Variants in CACNA1B observed in about 807,000 individuals in gnomAD.
The protein encoded by CACNA1B is voltage-dependent N-type calcium channel subunit alpha-1B.
CACNA1B carries 70 observed loss-of-function variants against 247.2 expected under a neutral mutation model. That is an observed-to-expected ratio of 0.28 (90% CI 0.23 to 0.35). CACNA1B has a LOEUF of 0.35. Ranked by LOEUF, CACNA1B falls within the 10% of genes least tolerant of loss-of-function variation. The probability of loss-of-function intolerance (pLI) is 1.00; values close to 1 mark genes in which losing one functional copy is unlikely to be tolerated. For missense variants in CACNA1B, 2,367 were observed against 3,197.4 expected, an observed-to-expected ratio of 0.74 and a Z score of 6.26; for synonymous variants, 1,231 against 1,294.4, an observed-to-expected ratio of 0.95 and a Z score of 1.05.
At chr9:138,047,507 C>G (rs1959194379) in intron 23 of CACNA1B, 49 bp downstream of exon 23, 2 of 1,333,018 alleles carry the variant, frequency 1.5e-6, no homozygotes, top group Non-Finnish European at 2.2e-6. Flanking sequence ...CTCTCCCTCC[C>G]TCATGATTGA....
At chr9:137,930,914 A>T (rs1211813823) in intron 6 of CACNA1B, among the ~76,000 whole-genome samples, 1 of 152,136 alleles carries the variant, frequency 6.6e-6, no homozygotes, top group African/African-American at 2.4e-5. Context: ...ACTCCAATTT[A>T]AAAAAATTAA....
chr9:137,883,826 A>G (rs1207042047), intron 3 of CACNA1B, among the ~76,000 whole-genome samples: 1 of 151,862 alleles, frequency 6.6e-6, no homozygotes, highest in Non-Finnish European at 1.5e-5. Flanking sequence ...AGCAGGCCCC[A>G]CAGCAGGCGA....
At chr9:138,032,540 T>C (rs1437038345) in intron 20 of CACNA1B, 1 of 354,518 alleles carries the variant, frequency 2.8e-6, no homozygotes, top group African/African-American at 2.2e-5. Context: ...GGAACTTCCT[T>C]AGGCATTCTT....
intron 3 of CACNA1B, among the ~76,000 whole-genome samples, chr9:137,896,373 T>C (rs553881294): frequency 1.7e-4 from 26 of 152,366 alleles, no homozygotes; most frequent in Admixed American, 1.3e-3. Flanking sequence ...CAAATGCTTT[T>C]TTTGCATTGG....
chr9:137,998,304 C>T (rs1048740890), intron 15 of CACNA1B, among the ~76,000 whole-genome samples: 8 of 152,148 alleles, frequency 5.3e-5, no homozygotes, highest in African/African-American at 1.9e-4. Context: ...ACTAACTAAA[C>T]ATTGACCAAA....
At chr9:138,113,724 G>A (rs1407244733) in intron 40 of CACNA1B, among the ~76,000 whole-genome samples, 4 of 138,600 alleles carry the variant, frequency 2.9e-5, no homozygotes, top group Admixed American at 2.8e-4. Context: ...GGAGACGTGA[G>A]GGAGTGCCGG....
Position 138,119,340 on chromosome 9 carries a change from C to T in CACNA1B, c.6030+572C>T, listed in dbSNP as rs1004861116. Among the ~76,000 whole-genome samples the T allele has an allele frequency of 6.7e-4, 102 of 152,112 alleles. 1 individual carries two copies. Among genetic ancestry groups the T allele is most frequent in the Admixed American group, 6.5e-3 (100 of 15,280 alleles). ...CCGGGGGAGGCTCCTTCCACAAGGACACTGGGAGGATCGCCCCTCCGAGGC... is the reference window on the plus strand; with the variant it reads ...CCGGGGGAGGCTCCTTCCACAAGGATACTGGGAGGATCGCCCCTCCGAGGC... On this transcript the variant is annotated intron_variant, in intron 44 of 46. Coordinates refer to ENST00000371372, the MANE Select transcript of CACNA1B (RefSeq NM_000718.4).
intron 36 of CACNA1B, among the ~76,000 whole-genome samples, chr9:138,087,271 G>A (rs1960722148): frequency 6.7e-6 from 1 of 149,226 alleles, no homozygotes; most frequent in African/African-American, 2.5e-5. Context: ...TGTAATCCCA[G>A]GTACTCAGGA....
At position 138,102,961 on chromosome 9, in the gene CACNA1B, C is replaced by G. The variant is rs1018515933; in HGVS notation, c.5319+154C>G. ...CCCGGCTGCCTCACTGTGTCTTTCTCTTCAGCCCCATCCCAGCTTCCTTCC... is the reference window on the plus strand; with the variant it reads ...CCCGGCTGCCTCACTGTGTCTTTCTGTTCAGCCCCATCCCAGCTTCCTTCC... On this transcript the variant is annotated intron_variant, in intron 38 of 46. Transcript: ENST00000371372. This position sits in a 1 kb window ranked among gnomAD's most constrained non-coding sequence, Gnocchi z 5.4. 3.3e-5 allele frequency among the ~76,000 whole-genome samples: 5 copies of G among 152,188 alleles called. No homozygotes were observed. Among genetic ancestry groups the G allele is most frequent in the African/African-American group, 1.2e-4 (5 of 41,450 alleles).
intron 6 of CACNA1B, among the ~76,000 whole-genome samples, chr9:137,918,355 G>A (rs965452367): frequency 6.6e-6 from 1 of 152,112 alleles, no homozygotes; most frequent in African/African-American, 2.4e-5. Context: ...TCCCCTCTGT[G>A]AGTCCTGTGA....
intron 36 of CACNA1B, among the ~76,000 whole-genome samples, chr9:138,087,595 G>A (rs1960739730): frequency 1.3e-5 from 2 of 149,652 alleles, no homozygotes; most frequent in Non-Finnish European, 3.0e-5. Context: ...CGCGCCTGTA[G>A]TCCCAGCTAC....
chr9:137,976,573 C>A (rs1958224893), intron 12 of CACNA1B, among the ~76,000 whole-genome samples: 1 of 150,608 alleles, frequency 6.6e-6, no homozygotes, highest in Non-Finnish European at 1.5e-5. Flanking sequence ...ACACAGACGG[C>A]AGGGCAGGGC....
chr9:137,949,109 GGC>G (rs1957838935), intron 6 of CACNA1B, among the ~76,000 whole-genome samples: 2 of 51,144 alleles, frequency 3.9e-5, no homozygotes, highest in Admixed American at 1.9e-4. Flanking sequence ...TGTTTGTGGT[GGC>G]TGTGTGTCCA....
chr9:137,998,242 G>A (rs966793554), intron 15 of CACNA1B, among the ~76,000 whole-genome samples: 3 of 152,084 alleles, frequency 2.0e-5, no homozygotes, highest in Admixed American at 6.5e-5. Flanking sequence ...TGCATCTTTC[G>A]GAGTGTTTAA....
rs772955988 is a variant in CACNA1B at position 138,112,480 on chromosome 9, G to A, written c.5511G>A (p.Leu1837=). 6.2e-7 allele frequency: 1 copy of A among 1,611,806 alleles called. No individual in the cohort carries two copies. Among genetic ancestry groups the A allele is most frequent in the South Asian group, 1.1e-5 (1 of 91,034 alleles). ...GGGCCAATCTGCCCCAGAAGACTTT[G>A]GACTTGCTGGTACCACCCCATAAGC... The part of the protein sequence containing the change: ...VVWANLPQKT[L]DLLVPPHKPD... The change falls in exon 40 of 47, where the codon TTG becomes TTA. Residue 1837 remains leucine, a synonymous_variant. Transcript: ENST00000371372.
chr9:138,057,618 CA>C lies in CACNA1B; in HGVS notation c.3969-113del, dbSNP rs1959559618. ...ATGTGGACATCCAGTTTTCCCAGCA[CA>C]GTCTGTTGGAGAGGCCATTCTTTCC... On this transcript the variant is annotated intron_variant, in intron 26 of 46. Transcript: ENST00000371372. The surrounding 1 kb of genome is among the most constrained non-coding windows in gnomAD (Gnocchi z 4.0). 15 of 972,736 alleles carry C rather than the reference CA, an allele frequency of 1.5e-5. No individual in the cohort carries two copies. The highest frequency in any genetic ancestry group is 2.1e-5 in the Non-Finnish European group (14 of 660,166). The allele number at this position is 972,736 out of a possible 1,614,324, so 60.3% of individuals were successfully genotyped here. A position where few individuals can be genotyped will look rare whatever the true frequency, so the allele number is the denominator to read the frequency against.
chr9:138,029,396 T>A (rs1283119534), intron 20 of CACNA1B, among the ~76,000 whole-genome samples: 1 of 152,218 alleles, frequency 6.6e-6, no homozygotes, highest in Admixed American at 6.5e-5. Flanking sequence ...AATACCCCTT[T>A]TTTTGTATGG....
rs181402990 is a variant in CACNA1B, at chr9:137,898,745, G to C, written c.531-14435G>C. Among the ~76,000 whole-genome samples the C allele has an allele frequency of 3.3e-3, 489 of 150,344 alleles. 2 individuals are homozygous for C. The highest frequency in any genetic ancestry group is 0.025 in the Middle Eastern group (7 of 284). On this transcript the variant is annotated intron_variant, in intron 3 of 46. Transcript: ENST00000371372. ...CACCCAGGCTGGAGTGCAGTGGCAC[G>C]ATCTCAGCTCACTACAAGCTCCACC...
At chr9:138,062,048 T>C (rs1959744032) in intron 31 of CACNA1B, among the ~76,000 whole-genome samples, 1 of 152,214 alleles carries the variant, frequency 6.6e-6, no homozygotes, top group African/African-American at 2.4e-5. Flanking sequence ...TGCCCCATGG[T>C]GAGCATTGGT....
Sources: gnomAD v4.1 joint callset for allele counts (sites outside exome capture counted in the v4.1 genomes callset) on GRCh38, gnomAD v4.1.1 for gene constraint, Gnocchi (gnomAD v3.1) non-coding constraint, MANE v1.5 for transcripts, NCBI Gene and HGNC (gene_info 2026-07-23, HGNC 2026-07-21) for gene names.